Variants in LRRIQ1 observed in about 807,000 individuals in gnomAD.
LRRIQ1 encodes the protein leucine-rich repeat- and IQ domain-containing protein 1.
Under a neutral mutation model 211.9 loss-of-function variants are expected in LRRIQ1, and 210 were observed. That is an observed-to-expected ratio of 0.99 (90% CI 0.89 to 1.11). The LOEUF (loss-of-function observed/expected upper bound fraction) is 1.11. Among genes scored for constraint, LRRIQ1 ranks in the 50% most tolerant of loss-of-function variants. The probability of loss-of-function intolerance (pLI) is 0.00; values close to 1 mark genes in which losing one functional copy is unlikely to be tolerated. For synonymous variants in LRRIQ1, 699 were observed against 650.1 expected (o/e 1.08, Z -1.14); for missense variants, 2,136 against 1,939.5 (o/e 1.10, Z -1.90).
chr12:85,150,336 T>C (rs1051585125), intron 19 of LRRIQ1, among the ~76,000 whole-genome samples: 8 of 151,780 alleles, frequency 5.3e-5, no homozygotes, highest in Non-Finnish European at 8.8e-5. Context: ...GACTGGATTT[T>C]CCCTTGTCAT....
chr12:85,038,344 A>T, intron 2 of LRRIQ1, 36 bp downstream of exon 2: 1 of 1,392,844 alleles, frequency 7.2e-7, no homozygotes. Flanking sequence ...TAACAGGAGT[A>T]GGCTTTTCAG....
At chr12:85,098,672 C>A (rs1227594549) in intron 12 of LRRIQ1, 124 bp downstream of exon 12, 2 of 818,716 alleles carry the variant, frequency 2.4e-6, no homozygotes, top group South Asian at 2.2e-5. Flanking sequence ...ATGAAGTAAC[C>A]TTTATCAAGA....
chr12:85,188,085 A>G (rs76293081), intron 24 of LRRIQ1, among the ~76,000 whole-genome samples: 2,851 of 151,834 alleles, frequency 0.019, 93 homozygotes, highest in African/African-American at 0.066. Flanking sequence ...TTGGGACTCT[A>G]TTGGCTTACT....
At chr12:85,268,201 A>C (rs1349193479), downstream of LRRIQ1, among the ~76,000 whole-genome samples, 1 of 151,972 alleles carries the variant, frequency 6.6e-6, no homozygotes, top group Non-Finnish European at 1.5e-5. Flanking sequence ...ATTCCTCTAG[A>C]TTTGTCTTGA....
chr12:85,055,718 G>C lies in LRRIQ1; in HGVS notation c.925G>C (p.Glu309Gln). Residue 309 changes from glutamate (E) to glutamine (Q), a missense_variant, in exon 8 of 27, where the codon GAG becomes CAG. By Grantham distance (29) the Glu-to-Gln change is conservative (BLOSUM62 2). Transcript: ENST00000393217. ...AYQKYGPIIKEQIESKKRKAQ... is the reference protein window; with the variant it reads ...AYQKYGPIIKQQIESKKRKAQ... ...TCAAAAATATGGCCCAATTATTAAAGAGCAAATTGAAAGTAAGAAAAGGAA... is the reference window on the plus strand; with the variant it reads ...TCAAAAATATGGCCCAATTATTAAACAGCAAATTGAAAGTAAGAAAAGGAA... 6.2e-7 allele frequency: 1 copy of C among 1,607,096 alleles called. No homozygotes were observed. Among genetic ancestry groups the C allele is most frequent in the Non-Finnish European group, 8.5e-7 (1 of 1,177,882 alleles).
intron 1 of LRRIQ1, among the ~76,000 whole-genome samples, chr12:85,262,361 A>G (rs773566806): frequency 4.6e-5 from 7 of 152,102 alleles, no homozygotes; most frequent in Admixed American, 1.3e-4. Flanking sequence ...TGATACTCAG[A>G]AAGACTGTTA....
chr12:85,150,124 G>C (rs549182650), intron 19 of LRRIQ1, among the ~76,000 whole-genome samples: 2 of 151,686 alleles, frequency 1.3e-5, no homozygotes, highest in African/African-American at 4.8e-5. Flanking sequence ...TTTTAAAAAG[G>C]CTGTTTGTAT....
chr12:85,084,338 AAAT>A (rs1206164014), intron 11 of LRRIQ1, among the ~76,000 whole-genome samples: 1 of 152,114 alleles, frequency 6.6e-6, no homozygotes, highest in Admixed American at 6.5e-5. Context: ...AAGTTGATTA[AAAT>A]AATAATTTTT....
intron 20 of LRRIQ1, 46 bp from the exon 21 acceptor site, chr12:85,152,978 G>T (rs776263904): frequency 2.8e-6 from 4 of 1,412,962 alleles, no homozygotes; most frequent in South Asian, 1.4e-5. Flanking sequence ...ATAAATGCTA[G>T]GATTTTTTAT....
chr12:85,147,301 C>A (rs1889956007), intron 19 of LRRIQ1, among the ~76,000 whole-genome samples: 1 of 151,810 alleles, frequency 6.6e-6, no homozygotes, highest in African/African-American at 2.4e-5. Context: ...CACTATAAGA[C>A]AAATGAGAAA....
At chr12:85,048,622 C>A (rs1229402231) in intron 6 of LRRIQ1, 1 of 151,116 alleles carries the variant, frequency 6.6e-6, no homozygotes, top group African/African-American at 2.4e-5. Context: ...TATTGTAGAA[C>A]CAGTTATGCC....
In LRRIQ1 at chr12:85,109,489, C is replaced by T. The variant is rs148147309; in HGVS notation, c.3377+2874C>T. ...TTTAGGGAAATCTGGCATGTTTCCA[C>T]GTTTTAGAAAAAAATTTGTCAACTT... is the stretch of plus-strand genomic sequence containing the variant. On this transcript the variant is annotated intron_variant, in intron 15 of 26. Transcript: ENST00000393217. 4.2e-3 allele frequency among the ~76,000 whole-genome samples: 642 copies of T among 152,170 alleles called. 4 individuals carry two copies. Among genetic ancestry groups the T allele is most frequent in the African/African-American group, 0.015 (610 of 41,514 alleles).
At chr12:85,048,976 T>C (rs1332744430) in intron 6 of LRRIQ1, among the ~76,000 whole-genome samples, 2 of 152,212 alleles carry the variant, frequency 1.3e-5, no homozygotes, top group Non-Finnish European at 2.9e-5. Flanking sequence ...AAAAGAGATC[T>C]AACAGCAAAT....
At chr12:85,154,154 TA>T in intron 23 of LRRIQ1, 60 bp downstream of exon 23, 2 of 864,646 alleles carry the variant, frequency 2.3e-6, no homozygotes, top group Middle Eastern at 3.8e-4. Context: ...ATAACTTCTT[TA>T]AAATATATTT....
At chr12:85,195,996 A>G (rs1011170606) in intron 24 of LRRIQ1, among the ~76,000 whole-genome samples, 4 of 152,008 alleles carry the variant, frequency 2.6e-5, no homozygotes, top group Admixed American at 6.6e-5. Context: ...TACAAAATCA[A>G]TGTACAAAAA....
intron 17 of LRRIQ1, among the ~76,000 whole-genome samples, chr12:85,125,747 GTTTA>G (rs1888331021): frequency 1.3e-5 from 2 of 152,168 alleles, no homozygotes; most frequent in African/African-American, 2.4e-5. Context: ...TGTTTTATCA[GTTTA>G]TTTAATTGGT....
At chr12:85,077,647 A>T (rs1036019398) in intron 11 of LRRIQ1, among the ~76,000 whole-genome samples, 1 of 152,094 alleles carries the variant, frequency 6.6e-6, no homozygotes, top group African/African-American at 2.4e-5. Flanking sequence ...GACATTAAAG[A>T]ATTTGTAAAA....
At chr12:85,155,742 A>G (rs531084271) in intron 23 of LRRIQ1, among the ~76,000 whole-genome samples, 21 of 151,838 alleles carry the variant, frequency 1.4e-4, no homozygotes, top group African/African-American at 5.1e-4. Context: ...AAAGCAGAGG[A>G]AAAGCTTAGC....
chr12:85,252,531 G>T (rs1895975255), intron 1 of LRRIQ1, among the ~76,000 whole-genome samples: 2 of 151,882 alleles, frequency 1.3e-5, no homozygotes, highest in Non-Finnish European at 2.9e-5. Flanking sequence ...AAACAAAGGA[G>T]TAAGATGCTA....
Sources: gnomAD v4.1 joint callset for allele counts (sites outside exome capture counted in the v4.1 genomes callset) on GRCh38, gnomAD v4.1.1 for gene constraint, MANE v1.5 for transcripts, NCBI Gene and HGNC (gene_info 2026-07-23, HGNC 2026-07-21) for gene names.